Variants in CDH4 observed in about 807,000 individuals in gnomAD.
The protein encoded by CDH4 is cadherin-4.
In CDH4, 33 loss-of-function variants were observed where a neutral mutation model predicts 86.0. The observed-to-expected ratio is 0.38, with a 90% CI of 0.29 to 0.51. The LOEUF is 0.51. Ranked by LOEUF, CDH4 falls within the 20% of genes least tolerant of loss-of-function variation. The pLI, the probability that CDH4 is intolerant of heterozygous loss-of-function variation, is 0.86. For synonymous variants in CDH4, 555 were observed against 549.4 expected (o/e 1.01, Z -0.14); for missense variants, 1,114 against 1,307.4 (o/e 0.85, Z 2.28).
chr20:61,475,179 C>T (rs541178361), intron 2 of CDH4, among the ~76,000 whole-genome samples: 1 of 152,178 alleles, frequency 6.6e-6, no homozygotes, highest in South Asian at 2.1e-4. Context: ...CATAATTACT[C>T]TGAGCACTGT....
chr20:61,429,276 A>G (rs969292512), intron 2 of CDH4, among the ~76,000 whole-genome samples: 14 of 152,292 alleles, frequency 9.2e-5, no homozygotes, highest in Middle Eastern at 3.4e-3. Context: ...AATTTATTCA[A>G]CGTACCTAAA....
At chr20:61,755,719 G>A (rs900016147) in intron 3 of CDH4, among the ~76,000 whole-genome samples, 6 of 139,578 alleles carry the variant, frequency 4.3e-5, no homozygotes, top group Admixed American at 1.4e-4. Flanking sequence ...TACATGAATC[G>A]CATGGACATA....
chr20:61,330,349 A>G (rs1261495856), intron 2 of CDH4, among the ~76,000 whole-genome samples: 1 of 152,188 alleles, frequency 6.6e-6, no homozygotes, highest in Non-Finnish European at 1.5e-5. Flanking sequence ...GTAAAAGTGT[A>G]CCTGATTCTC....
chr20:61,332,964 C>G (rs1186016120), intron 2 of CDH4, among the ~76,000 whole-genome samples: 2 of 152,216 alleles, frequency 1.3e-5, no homozygotes, highest in African/African-American at 2.4e-5. Context: ...ACAGCATTAT[C>G]CTAAAACAAA....
chr20:61,279,081 G>C (rs1370980842), intron 2 of CDH4, among the ~76,000 whole-genome samples: 7 of 152,194 alleles, frequency 4.6e-5, no homozygotes, highest in Non-Finnish European at 1.0e-4. Context: ...TCTATTTTGA[G>C]GGATGAGAAG....
intron 2 of CDH4, among the ~76,000 whole-genome samples, chr20:61,565,077 G>GTGGTGGTGGTGGTGGTGGTGGTGA (rs2086255931): frequency 2.2e-5 from 3 of 136,474 alleles, no homozygotes; most frequent in Non-Finnish European, 4.8e-5. Flanking sequence ...GGTGGTGGTG[G>GTGGTGGTGGTGGTGGTGGTGGTGA]TGGTGGTGGT....
At chr20:61,351,741 C>G (rs1364589257) in intron 2 of CDH4, among the ~76,000 whole-genome samples, 1 of 149,290 alleles carries the variant, frequency 6.7e-6, no homozygotes, top group African/African-American at 2.5e-5. Context: ...TTTTTTGAGA[C>G]AGTCTCACTC....
At chr20:61,706,681 C>G (rs914103917) in intron 2 of CDH4, among the ~76,000 whole-genome samples, 1 of 152,142 alleles carries the variant, frequency 6.6e-6, no homozygotes, top group Non-Finnish European at 1.5e-5. Context: ...CACCGACTCC[C>G]TGATCCCCGA....
chr20:61,788,238 T>C (rs11908687), intron 4 of CDH4, among the ~76,000 whole-genome samples: 8,265 of 152,272 alleles, frequency 0.054, 718 homozygotes, highest in African/African-American at 0.19. Flanking sequence ...TCTTTGATTC[T>C]ACTCATGAGC....
chr20:61,263,376 A>G (rs149536364), intron 2 of CDH4, among the ~76,000 whole-genome samples: 165 of 152,250 alleles, frequency 1.1e-3, no homozygotes, highest in Non-Finnish European at 1.9e-3. Context: ...CTATTTAATT[A>G]TCTTTGACCC....
At chr20:61,334,510 G>A (rs6028121) in intron 2 of CDH4, among the ~76,000 whole-genome samples, 84,095 of 151,748 alleles carry the variant, frequency 0.55, 23,304 homozygotes, top group East Asian at 0.68. Flanking sequence ...GGCCGGGGGG[G>A]CTGGGATCAA....
intron 2 of CDH4, among the ~76,000 whole-genome samples, chr20:61,432,153 GA>G (rs1568842229): frequency 6.6e-6 from 1 of 152,198 alleles, no homozygotes; most frequent in Non-Finnish European, 1.5e-5. Context: ...TAAATGCTAT[GA>G]AGGGAGTAGC....
In CDH4 at chr20:61,654,713, G is replaced by T. The variant is rs1357645189; in HGVS notation, c.170-88850G>T. Among the ~76,000 whole-genome samples the T allele has an allele frequency of 3.3e-5, 5 of 152,258 alleles. No homozygotes were observed. In the East Asian group the frequency reaches 9.6e-4, roughly 29 times the overall value. On this transcript the variant is annotated intron_variant, in intron 2 of 15. Coordinates refer to ENST00000614565, the MANE Select transcript of CDH4 (RefSeq NM_001794.5). ...AAGGAAATTAAGTTAATCAAAGCAG[G>T]ATACGAATTCTGTAGGGAGTGTGGT...
intron 3 of CDH4, among the ~76,000 whole-genome samples, chr20:61,770,735 T>C (rs1351175767): frequency 6.6e-6 from 1 of 151,892 alleles, no homozygotes. Flanking sequence ...TACAAAAAAT[T>C]AGCCGGGCGT....
At chr20:61,286,498 G>T (rs1225825022) in intron 2 of CDH4, among the ~76,000 whole-genome samples, 2 of 152,212 alleles carry the variant, frequency 1.3e-5, no homozygotes, top group East Asian at 3.9e-4. Context: ...GTGTGGAGGG[G>T]GCGTGTACGG....
chr20:61,932,122 C>G (rs1430372220), intron 13 of CDH4, among the ~76,000 whole-genome samples: 1 of 152,170 alleles, frequency 6.6e-6, no homozygotes, highest in African/African-American at 2.4e-5. Flanking sequence ...TACCAAGACA[C>G]TGTGTGCCTA....
intron 5 of CDH4, among the ~76,000 whole-genome samples, chr20:61,849,222 G>A (rs13042699): frequency 0.45 from 68,288 of 151,530 alleles, 17,320 homozygotes; most frequent in Non-Finnish European, 0.58. Context: ...GCCCTTCCCT[G>A]GAGAAGGAAG....
chr20:61,549,604 G>A (rs927526736), intron 2 of CDH4, among the ~76,000 whole-genome samples: 12 of 152,192 alleles, frequency 7.9e-5, no homozygotes, highest in African/African-American at 2.7e-4. Context: ...ATGAGGGCTC[G>A]CAGCCTCTTT....
intron 2 of CDH4, among the ~76,000 whole-genome samples, chr20:61,660,051 G>A (rs1161339676): frequency 7.0e-6 from 1 of 142,790 alleles, no homozygotes; most frequent in East Asian, 1.9e-4. Flanking sequence ...TCCCAAGGGG[G>A]CAGCTCCTCG....
Sources: allele counts gnomAD v4.1 joint callset (sites outside exome capture counted in the v4.1 genomes callset), GRCh38; gene constraint gnomAD v4.1.1; transcripts MANE v1.5; gene names NCBI Gene and HGNC (gene_info 2026-07-23, HGNC 2026-07-21).